The following TANC2 variants were observed in gnomAD, a reference collection of about 807,000 sequenced individuals.
The protein encoded by TANC2 is protein TANC2.
Under a neutral mutation model 210.5 loss-of-function variants are expected in TANC2, and 26 were observed. The observed-to-expected ratio is 0.12, with a 90% CI of 0.09 to 0.17. The LOEUF is 0.17. TANC2 is among the 10% of genes least tolerant of loss of function. The pLI is 1.00. For missense variants in TANC2, 2,129 were observed against 2,608.9 expected, an observed-to-expected ratio of 0.82 and a Z score of 4.01; for synonymous variants, 931 against 967.1, an observed-to-expected ratio of 0.96 and a Z score of 0.69.
In TANC2 at chr17:62,966,920, C is replaced by G. The variant is rs2143143706; in HGVS notation, c.-24+171C>G. 6.6e-6 allele frequency: 1 copy of G among 152,356 alleles called. No individual in the cohort carries two copies. Among genetic ancestry groups the G allele is most frequent in the African/African-American group, 2.4e-5 (1 of 41,560 alleles). 9.4% of individuals were successfully genotyped at this position (152,356 alleles called of 1,614,324 possible). A position where few individuals can be genotyped will look rare whatever the true frequency, so the allele number is the denominator to read the frequency against. Reference sequence around the variant, plus strand: ...GGGAAGGCTGGCTCCGAATATGACACCAAGGCGGGCTTCAGAGGCGTGTGG... The same window carrying G: ...GGGAAGGCTGGCTCCGAATATGACAGCAAGGCGGGCTTCAGAGGCGTGTGG... On this transcript the variant is annotated intron_variant, in intron 1 of 27. Coordinates refer to ENST00000689528, the Ensembl canonical transcript of TANC2. The surrounding 1 kb of genome is among the most constrained non-coding windows in gnomAD (Gnocchi z 5.1).
At chr17:63,022,494 A>G (rs2034392421) in intron 2 of TANC2, among the ~76,000 whole-genome samples, 1 of 152,214 alleles carries the variant, frequency 6.6e-6, no homozygotes, top group Non-Finnish European at 1.5e-5. Context: ...TTAAAAGGGA[A>G]GCAGAGCATA....
At chr17:63,147,754 C>T (rs1178095443) in intron 4 of TANC2, among the ~76,000 whole-genome samples, 2 of 152,132 alleles carry the variant, frequency 1.3e-5, no homozygotes, top group African/African-American at 4.8e-5. Flanking sequence ...CTAACTTAGA[C>T]CATTTTGATT....
chr17:63,172,723 A>G (rs2040445397), intron 5 of TANC2, among the ~76,000 whole-genome samples: 1 of 152,216 alleles, frequency 6.6e-6, no homozygotes, highest in Admixed American at 6.5e-5. Flanking sequence ...AGAGGAAGGG[A>G]AAAAGAAGAA....
At chr17:63,366,749 A>G (rs894004296) in intron 14 of TANC2, among the ~76,000 whole-genome samples, 3 of 152,372 alleles carry the variant, frequency 2.0e-5, no homozygotes, top group Middle Eastern at 3.4e-3. Flanking sequence ...CACAAGGGTC[A>G]TACATTTCCA....
chr17:63,243,346 A>T (rs1356435709), intron 8 of TANC2, among the ~76,000 whole-genome samples: 1 of 152,204 alleles, frequency 6.6e-6, no homozygotes, highest in African/African-American at 2.4e-5. Flanking sequence ...AAACCTCACA[A>T]TTCCATTTCT....
intron 4 of TANC2, among the ~76,000 whole-genome samples, chr17:63,124,939 T>C (rs1300576515): frequency 6.6e-6 from 1 of 152,328 alleles, no homozygotes; most frequent in Non-Finnish European, 1.5e-5. Flanking sequence ...AAAAATTGTC[T>C]TCCGCAAAAT....
intron 1 of TANC2, among the ~76,000 whole-genome samples, chr17:62,989,767 C>CTTTTTT (rs369502208): frequency 1.3e-4 from 14 of 109,782 alleles, no homozygotes; most frequent in African/African-American, 2.0e-4. Flanking sequence ...AAAACACATG[C>CTTTTTT]TTTTTTTTTT....
At chr17:63,167,335 A>G (rs1196581893) in intron 5 of TANC2, among the ~76,000 whole-genome samples, 7 of 152,212 alleles carry the variant, frequency 4.6e-5, no homozygotes, top group Admixed American at 1.3e-4. Flanking sequence ...ATGAAAAAAT[A>G]TAATTATATT....
intron 4 of TANC2, among the ~76,000 whole-genome samples, chr17:63,127,990 T>A (rs573583899): frequency 2.6e-4 from 39 of 152,338 alleles, no homozygotes; most frequent in African/African-American, 9.1e-4. Context: ...ATTCCTGTGG[T>A]GGCCTGTGCT....
intron 8 of TANC2, among the ~76,000 whole-genome samples, chr17:63,240,886 C>T (rs1395520282): frequency 6.6e-6 from 1 of 152,154 alleles, no homozygotes; most frequent in Non-Finnish European, 1.5e-5. Flanking sequence ...GTGTTGGCAA[C>T]AGTCTACTTT....
rs1242489707 is a variant in TANC2, at chr17:63,232,419, G to C, written c.770-5395G>C. Among the ~76,000 whole-genome samples, 6 of 152,346 alleles carry C rather than the reference G, an allele frequency of 3.9e-5. No individual in the cohort carries two copies. In the South Asian group the frequency reaches 1.2e-3, roughly 32 times the overall value. On this transcript the variant is annotated intron_variant, in intron 7 of 27. Coordinates refer to ENST00000689528, the Ensembl canonical transcript of TANC2. ...TCTAGCTTCAATCTTTGAGGCTGCT[G>C]ACCTTTGGATGGGGTTTTTGTGGGG...
intron 11 of TANC2, among the ~76,000 whole-genome samples, chr17:63,323,408 G>C (rs1012311531): frequency 1.3e-5 from 2 of 152,164 alleles, no homozygotes; most frequent in African/African-American, 4.8e-5. Flanking sequence ...CAAAGATTTT[G>C]ATAGGTTGGC....
chr17:63,041,835 T>C (rs1196748139), intron 2 of TANC2, among the ~76,000 whole-genome samples: 1 of 152,214 alleles, frequency 6.6e-6, no homozygotes, highest in South Asian at 2.1e-4. Context: ...ACACTCATAG[T>C]AACTCTTTGG....
At chr17:63,284,359 G>A (rs945150612) in intron 9 of TANC2, among the ~76,000 whole-genome samples, 1 of 151,868 alleles carries the variant, frequency 6.6e-6, no homozygotes, top group African/African-American at 2.4e-5. Context: ...TTACTGTTCT[G>A]TATTTATGTT....
At chr17:63,298,852 A>G (rs769946046) in intron 9 of TANC2, among the ~76,000 whole-genome samples, 5 of 152,128 alleles carry the variant, frequency 3.3e-5, no homozygotes, top group South Asian at 2.1e-4. Flanking sequence ...TGCTGCACCT[A>G]TCAACCCATC....
chr17:63,172,586 C>T (rs886140410), intron 5 of TANC2, among the ~76,000 whole-genome samples: 2 of 152,260 alleles, frequency 1.3e-5, no homozygotes, highest in Non-Finnish European at 2.9e-5. Context: ...ATGAAAATCA[C>T]CCATTTAAAT....
rs536058432 is a variant in TANC2, at chr17:63,319,103, TC to T, written c.1575+16del. 2.0e-4 allele frequency: 325 copies of T among 1,607,572 alleles called. No homozygotes were observed. In the African/African-American group the frequency reaches 4.1e-3, roughly 20 times the overall value. On this transcript the variant is annotated intron_variant, in intron 11 of 27. Coordinates refer to ENST00000689528, the Ensembl canonical transcript of TANC2. Reference sequence around the variant, plus strand: ...ACTAGCCTCGCAGGTACAATATGATTCCCACGTTGGGGATATGGTAGTTCCA... The same window carrying T: ...ACTAGCCTCGCAGGTACAATATGATTCCACGTTGGGGATATGGTAGTTCCA...
chr17:63,412,787 G>T lies in TANC2; in HGVS notation c.3928+78G>T. On this transcript the variant is annotated intron_variant, in intron 24 of 27. Coordinates refer to ENST00000689528, the Ensembl canonical transcript of TANC2. The surrounding 1 kb of genome is among the most constrained non-coding windows in gnomAD (Gnocchi z 4.2). ...TGCCTTCTCCTCTTTGGTTTAGCCT[G>T]CATGAGTTCCCTACACCTCTAATCT... 1 of 1,494,716 alleles carries T rather than the reference G, an allele frequency of 6.7e-7. No individual in the cohort carries two copies. The highest frequency in any genetic ancestry group is 1.3e-5 in the South Asian group (1 of 79,158). The allele number at this position is 1,494,716 out of a possible 1,614,324, so 92.6% of individuals were successfully genotyped here. A position where few individuals can be genotyped will look rare whatever the true frequency, so the allele number is the denominator to read the frequency against.
chr17:63,361,134 G>A (rs1051928264), intron 14 of TANC2, among the ~76,000 whole-genome samples: 3 of 152,218 alleles, frequency 2.0e-5, no homozygotes, highest in Non-Finnish European at 4.4e-5. Context: ...TCAATATACT[G>A]ATTTCCTTTC....
Sources: gnomAD v4.1 joint callset for allele counts (sites outside exome capture counted in the v4.1 genomes callset) on GRCh38, gnomAD v4.1.1 for gene constraint, Gnocchi (gnomAD v3.1) non-coding constraint, MANE v1.5 for transcripts, NCBI Gene and HGNC (gene_info 2026-07-23, HGNC 2026-07-21) for gene names.